Variants in FAF1 observed in about 807,000 individuals in gnomAD.
The protein encoded by FAF1 is FAS-associated factor 1.
A neutral mutation model predicts 92.5 loss-of-function variants in FAF1; 25 were observed. The ratio of observed to expected loss-of-function variants is 0.27; its 90% CI spans 0.20 to 0.38. The LOEUF is 0.38. Ranked by LOEUF, FAF1 falls within the 10% of genes least tolerant of loss-of-function variation. The pLI, the probability that FAF1 is intolerant of heterozygous loss-of-function variation, is 1.00. For synonymous variants in FAF1, 234 were observed against 273.2 expected, an observed-to-expected ratio of 0.86 and a Z score of 1.42; for missense variants, 636 against 793.3, an observed-to-expected ratio of 0.80 and a Z score of 2.38.
chr1:50,606,868 G>A (rs553224238), intron 8 of FAF1: 6 of 152,138 alleles, frequency 3.9e-5, no homozygotes, highest in Admixed American at 6.5e-5. Flanking sequence ...TGGGAATTTC[G>A]AAAGGATACA....
At chr1:50,727,055 C>G (rs1332889324) in intron 6 of FAF1, among the ~76,000 whole-genome samples, 11 of 152,180 alleles carry the variant, frequency 7.2e-5, no homozygotes, top group Non-Finnish European at 1.6e-4. Flanking sequence ...ACTAGCCATA[C>G]CCCCATATTC....
intron 2 of FAF1, among the ~76,000 whole-genome samples, chr1:50,805,940 GAGA>G (rs1405766268): frequency 3.9e-5 from 6 of 151,986 alleles, no homozygotes; most frequent in African/African-American, 1.5e-4. Context: ...CAATTTTACA[GAGA>G]AGGACACCAA....
At chr1:50,637,672 CATATAT>C in intron 8 of FAF1, among the ~76,000 whole-genome samples, 1 of 141,170 alleles carries the variant, frequency 7.1e-6, no homozygotes. Flanking sequence ...GTGGCTCACA[CATATAT>C]ATATGTGTGT....
chr1:50,735,741 G>A (rs1659111412), intron 6 of FAF1, among the ~76,000 whole-genome samples: 1 of 151,930 alleles, frequency 6.6e-6, no homozygotes, highest in African/African-American at 2.4e-5. Context: ...TTAGAGACAG[G>A]GTCTTGCTCT....
chr1:50,801,461 G>T (rs1661985773), intron 3 of FAF1, among the ~76,000 whole-genome samples, 170 bp downstream of exon 3: 1 of 152,184 alleles, frequency 6.6e-6, no homozygotes, highest in South Asian at 2.1e-4. Flanking sequence ...TTAAAAGTTG[G>T]AGACTTTGGG....
Position 50,583,812 on chromosome 1 carries a change from T to G in FAF1, c.968-97A>C, listed in dbSNP as rs1558004340. 1 of 630,962 alleles carries G rather than the reference T, an allele frequency of 1.6e-6. No individual in the cohort carries two copies. The highest frequency in any genetic ancestry group is 2.6e-5 in the South Asian group (1 of 39,008). The allele number at this position is 630,962 out of a possible 1,614,324, so 39.1% of individuals were successfully genotyped here. A position where few individuals can be genotyped will look rare whatever the true frequency, so the allele number is the denominator to read the frequency against. ...CATCTAATCCCACATATAAGAAATA[T>G]ATTCAATCAATAAAGAGGAAATAAA... On this transcript the variant is annotated intron_variant, in intron 10 of 18. Transcript: ENST00000396153. This position sits in a 1 kb window ranked among gnomAD's most constrained non-coding sequence, Gnocchi z 4.2.
In FAF1 at chr1:50,567,020, A is replaced by G. The variant is rs1315968038; in HGVS notation, c.1268+57T>C. The stretch of plus-strand genomic sequence containing the variant: ...AAAAATGTTTATGATGATGATAAAC[A>G]CAATGATTTTTTTTTTAATAGAAGC... On this transcript the variant is annotated intron_variant, in intron 13 of 18. Transcript: ENST00000396153. 6.1e-6 allele frequency: 8 copies of G among 1,320,204 alleles called. No individual in the cohort carries two copies. The East Asian group carries it at 7.1e-5, about 12-fold the overall frequency. 81.8% of individuals were successfully genotyped at this position (1,320,204 alleles called of 1,614,324 possible).
intron 2 of FAF1, among the ~76,000 whole-genome samples, chr1:50,850,224 G>T (rs1000676790): frequency 1.3e-5 from 2 of 152,094 alleles, no homozygotes; most frequent in Non-Finnish European, 2.9e-5. Context: ...AATACATACG[G>T]CATGTCTGAG....
chr1:50,748,767 C>A (rs541176418), intron 4 of FAF1, among the ~76,000 whole-genome samples: 1 of 152,218 alleles, frequency 6.6e-6, no homozygotes, highest in East Asian at 1.9e-4. Flanking sequence ...TAATTCAATT[C>A]CATTTACAGT....
intron 2 of FAF1, 21 bp downstream of exon 2, chr1:50,857,908 G>C: frequency 1.3e-6 from 2 of 1,505,326 alleles, no homozygotes; most frequent in Non-Finnish European, 1.8e-6. Flanking sequence ...TTACTCATCA[G>C]AGAAAGAAAA....
chr1:50,556,682 CAA>C (rs924975564), intron 13 of FAF1, among the ~76,000 whole-genome samples: 29 of 151,542 alleles, frequency 1.9e-4, no homozygotes, highest in African/African-American at 6.3e-4. Context: ...CAAAAAGATA[CAA>C]AAATTAGCTG....
intron 2 of FAF1, among the ~76,000 whole-genome samples, chr1:50,805,418 G>A (rs188898120): frequency 3.4e-4 from 52 of 152,172 alleles, no homozygotes; most frequent in African/African-American, 1.2e-3. Flanking sequence ...ACACTAAAAG[G>A]CATGTAAGGT....
intron 4 of FAF1, among the ~76,000 whole-genome samples, chr1:50,761,793 C>G (rs1249794772): frequency 1.3e-5 from 2 of 152,080 alleles, no homozygotes; most frequent in Non-Finnish European, 2.9e-5. Flanking sequence ...CAGGGATGCC[C>G]TCTCTCACCG....
At chr1:50,658,399 T>A (rs1052575859) in intron 7 of FAF1, among the ~76,000 whole-genome samples, 1 of 152,134 alleles carries the variant, frequency 6.6e-6, no homozygotes, top group Non-Finnish European at 1.5e-5. Context: ...ACAAATAACT[T>A]TGGAGTGGGA....
chr1:50,690,842 T>C (rs775964279), intron 7 of FAF1, among the ~76,000 whole-genome samples: 13 of 152,184 alleles, frequency 8.5e-5, no homozygotes, highest in Admixed American at 2.0e-4. Flanking sequence ...AATATGTGGC[T>C]TTTTGTGTTT....
chr1:50,608,514 C>A (rs568930499), intron 8 of FAF1, among the ~76,000 whole-genome samples: 5 of 152,254 alleles, frequency 3.3e-5, no homozygotes, highest in Admixed American at 1.3e-4. Flanking sequence ...GTTCTGTTCA[C>A]TAGGGAAATG....
intron 4 of FAF1, among the ~76,000 whole-genome samples, chr1:50,784,243 C>A (rs1173980621): frequency 6.6e-6 from 1 of 151,924 alleles, no homozygotes; most frequent in Non-Finnish European, 1.5e-5. Flanking sequence ...ATACAACTAT[C>A]TTTGTTTACA....
At chr1:50,681,053 T>G (rs540103041) in intron 7 of FAF1, among the ~76,000 whole-genome samples, 16 of 151,674 alleles carry the variant, frequency 1.1e-4, no homozygotes, top group Admixed American at 2.0e-4. Flanking sequence ...AATAATACGA[T>G]GATGATGATT....
intron 4 of FAF1, among the ~76,000 whole-genome samples, chr1:50,763,368 T>A (rs963963667): frequency 2.0e-5 from 3 of 152,318 alleles, no homozygotes; most frequent in African/African-American, 7.2e-5. Flanking sequence ...TTTTTAACAA[T>A]TTGATAATGA....
Sources: gnomAD v4.1 joint callset for allele counts (sites outside exome capture counted in the v4.1 genomes callset) on GRCh38, gnomAD v4.1.1 for gene constraint, Gnocchi (gnomAD v3.1) non-coding constraint, MANE v1.5 for transcripts, NCBI Gene and HGNC (gene_info 2026-07-23, HGNC 2026-07-21) for gene names.